The following LRBA variants were observed in gnomAD, a reference collection of about 807,000 sequenced individuals.
LRBA encodes the protein lipopolysaccharide-responsive and beige-like anchor protein.
LRBA carries 176 observed loss-of-function variants against 330.0 expected under a neutral mutation model. The observed-to-expected ratio is 0.53, with a 90% confidence interval of 0.47 to 0.60. The LOEUF is 0.60. Among genes scored for constraint, LRBA ranks in the 20% least tolerant of loss-of-function variants. The pLI, the probability that LRBA is intolerant of heterozygous loss-of-function variation, is 0.00. For missense variants in LRBA, 3,259 were observed against 3,444.8 expected (o/e 0.95, Z 1.35); for synonymous variants, 1,230 against 1,193.0 (o/e 1.03, Z -0.64).
intron 38 of LRBA, among the ~76,000 whole-genome samples, chr4:150,593,928 T>G (rs1482425944): frequency 6.6e-6 from 1 of 152,124 alleles, no homozygotes; most frequent in Non-Finnish European, 1.5e-5. Context: ...AATATAATTA[T>G]CCCTTCCAAT....
intron 37 of LRBA, among the ~76,000 whole-genome samples, chr4:150,629,090 C>T (rs1032129583): frequency 3.9e-5 from 6 of 152,030 alleles, no homozygotes; most frequent in Non-Finnish European, 7.4e-5. Flanking sequence ...TTTGTAGAGA[C>T]CAGATCTCAC....
intron 44 of LRBA, among the ~76,000 whole-genome samples, chr4:150,467,222 T>G (rs1452513228): frequency 6.6e-6 from 1 of 152,128 alleles, no homozygotes; most frequent in African/African-American, 2.4e-5. Context: ...ATAGTCAGTT[T>G]GATACCATTG....
chr4:150,316,898 G>A (rs1436316418), intron 50 of LRBA, among the ~76,000 whole-genome samples: 1 of 152,146 alleles, frequency 6.6e-6, no homozygotes, highest in Non-Finnish European at 1.5e-5. Context: ...TAACCAAGGG[G>A]TGGAATGTTC....
intron 36 of LRBA, among the ~76,000 whole-genome samples, chr4:150,697,198 G>A (rs533639834): frequency 3.8e-4 from 57 of 151,294 alleles, no homozygotes; most frequent in African/African-American, 1.4e-3. Context: ...GGTGGCAGGA[G>A]TCTGTAATCC....
At chr4:150,381,754 T>TA (rs1554013520) in intron 47 of LRBA, among the ~76,000 whole-genome samples, 1 of 152,060 alleles carries the variant, frequency 6.6e-6, no homozygotes, top group Non-Finnish European at 1.5e-5. Flanking sequence ...TAACTCAATG[T>TA]AAAGAATGTG....
At chr4:150,543,364 C>A (rs1765521802) in intron 40 of LRBA, among the ~76,000 whole-genome samples, 1 of 152,154 alleles carries the variant, frequency 6.6e-6, no homozygotes, top group Admixed American at 6.5e-5. Flanking sequence ...CTATCCACTG[C>A]CAGCTATGTG....
chr4:150,790,930 G>A (rs1739813390), intron 34 of LRBA, among the ~76,000 whole-genome samples: 1 of 152,054 alleles, frequency 6.6e-6, no homozygotes, highest in Admixed American at 6.6e-5. Flanking sequence ...GCAATCAAAA[G>A]GTCATAGGTA....
intron 37 of LRBA, among the ~76,000 whole-genome samples, chr4:150,603,785 C>A (rs2126536509): frequency 1.3e-5 from 2 of 152,230 alleles, no homozygotes; most frequent in East Asian, 1.9e-4. Context: ...CAGACACAAG[C>A]CACTGAGCTT....
intron 40 of LRBA, among the ~76,000 whole-genome samples, chr4:150,533,476 C>T (rs1473224760): frequency 2.1e-5 from 3 of 142,904 alleles, no homozygotes; most frequent in African/African-American, 8.0e-5. Context: ...CCAGCCAAAA[C>T]CCATTTTTTT....
chr4:150,902,236 T>C (rs1730815094), intron 13 of LRBA, among the ~76,000 whole-genome samples: 1 of 152,034 alleles, frequency 6.6e-6, no homozygotes, highest in Non-Finnish European at 1.5e-5. Context: ...TGAAGATGAG[T>C]AGTAGAATAG....
intron 2 of LRBA, among the ~76,000 whole-genome samples, chr4:150,931,786 C>A (rs1313241418): frequency 6.6e-6 from 1 of 151,502 alleles, no homozygotes; most frequent in African/African-American, 2.4e-5. Flanking sequence ...TTAGGGATAG[C>A]TATATTCAAA....
rs772957970 is a variant in LRBA at position 150,325,848 on chromosome 4, G to A, written c.7413C>T (p.Leu2471=). 1.2e-6 allele frequency: 2 copies of A among 1,613,430 alleles called. No individual in the cohort carries two copies. The highest frequency in any genetic ancestry group is 1.3e-5 in the African/African-American group (1 of 74,906). The change falls in exon 49 of 57, where the codon CTC becomes CTT. Residue 2471 remains leucine (L), a synonymous_variant. Coordinates refer to ENST00000651943, the MANE Select transcript of LRBA (RefSeq NM_001364905.1). ...RSFGQTPSQL[L]IEPHPPRGSA... The stretch of plus-strand genomic sequence containing the variant: ...AACCTCTGGGAGGATGGGGCTCTAT[G>A]AGTAGTTGAGAAGGAGTCTGTCCAA...
intron 44 of LRBA, among the ~76,000 whole-genome samples, chr4:150,449,579 T>C (rs998607704): frequency 4.7e-5 from 7 of 148,636 alleles, no homozygotes; most frequent in African/African-American, 1.7e-4. Context: ...GGCACAGGCA[T>C]AGAGGGTCGG....
chr4:150,345,368 A>G (rs774857773), intron 48 of LRBA, among the ~76,000 whole-genome samples: 26 of 152,210 alleles, frequency 1.7e-4, no homozygotes, highest in Non-Finnish European at 3.2e-4. Context: ...TCACTTAACA[A>G]TGAACTCAGC....
rs758087492 is a variant in LRBA at position 150,852,840 on chromosome 4, G to A, written c.2870C>T (p.Ala957Val). ...AATATCCCTTCTAATGCCAGAGGCT[G>A]CTTGAACTGAAGTTGAAGAACACAG... ...IGLCSSTSVQ[A>V]ASGIRRDINV... The change falls in exon 23 of 57, where the codon GCA becomes GTA. Residue 957 changes from alanine to valine, a missense_variant. Ala to Val is a moderately conservative substitution (Grantham distance 64). Transcript: ENST00000651943. 2 of 1,613,758 alleles carry A rather than the reference G, an allele frequency of 1.2e-6. No homozygotes were observed. The highest frequency in any genetic ancestry group is 2.2e-5 in the South Asian group (2 of 91,016).
At chr4:150,900,348 C>A in intron 13 of LRBA, 131 bp from the exon 14 acceptor site, 1 of 591,900 alleles carries the variant, frequency 1.7e-6, no homozygotes, top group East Asian at 2.8e-5. Context: ...TAATAATATC[C>A]ATATTAGACA....
chr4:150,871,613 A>T (rs917396783), intron 18 of LRBA, among the ~76,000 whole-genome samples, 160 bp from the exon 19 acceptor site: 1 of 152,202 alleles, frequency 6.6e-6, no homozygotes, highest in Non-Finnish European at 1.5e-5. Flanking sequence ...TTTTAAGGCC[A>T]CAAAACCTTT....
intron 40 of LRBA, chr4:150,578,972 A>C (rs539074142): frequency 3.0e-4 from 85 of 286,596 alleles, no homozygotes; most frequent in South Asian, 2.8e-3. Flanking sequence ...AGCCTCCCTA[A>C]TGAATTTGTC....
At chr4:150,947,077 A>C (rs1736327382) in intron 2 of LRBA, among the ~76,000 whole-genome samples, 1 of 152,022 alleles carries the variant, frequency 6.6e-6, no homozygotes, top group Non-Finnish European at 1.5e-5. Flanking sequence ...TAAGTTCATA[A>C]TTTTAAAATT....
Sources: allele counts gnomAD v4.1 joint callset (sites outside exome capture counted in the v4.1 genomes callset), GRCh38; gene constraint gnomAD v4.1.1; transcripts MANE v1.5; gene names NCBI Gene and HGNC (gene_info 2026-07-23, HGNC 2026-07-21).